ARHGAP22: variants seen among roughly 807,000 people sequenced by gnomAD.
The protein encoded by ARHGAP22 is Rho GTPase activating protein 22.
ARHGAP22 carries 48 observed loss-of-function variants against 59.1 expected under a neutral mutation model. That is an observed-to-expected ratio of 0.81 (90% confidence interval 0.64 to 1.03). The LOEUF (loss-of-function observed/expected upper bound fraction) is 1.03, where lower values mean the gene tolerates loss of function less well. ARHGAP22 is among the 50% of genes least tolerant of loss of function. The pLI, the probability that ARHGAP22 is intolerant of heterozygous loss-of-function variation, is 0.00. For missense variants in ARHGAP22, 1,015 were observed against 958.7 expected, an observed-to-expected ratio of 1.06 and a Z score of -0.78; for synonymous variants, 445 against 416.4, an observed-to-expected ratio of 1.07 and a Z score of -0.84.
intron 1 of ARHGAP22, among the ~76,000 whole-genome samples, chr10:48,591,231 G>T (rs985605493): frequency 6.6e-6 from 1 of 152,168 alleles, no homozygotes; most frequent in African/African-American, 2.4e-5. Context: ...ATGAAAACAC[G>T]TTAACACAAA....
intron 1 of ARHGAP22, among the ~76,000 whole-genome samples, chr10:48,618,966 A>G (rs1253101813): frequency 6.6e-6 from 1 of 152,118 alleles, no homozygotes; most frequent in Non-Finnish European, 1.5e-5. Flanking sequence ...AAGCCCCACC[A>G]AAAACTCTTA....
intron 1 of ARHGAP22, among the ~76,000 whole-genome samples, chr10:48,636,445 C>A (rs939657738): frequency 6.6e-6 from 1 of 152,160 alleles, no homozygotes; most frequent in Non-Finnish European, 1.5e-5. Context: ...TGAGTCTGCC[C>A]ACTGGGCTGC....
At position 48,555,502 on chromosome 10, in the gene ARHGAP22, G is replaced by A; in HGVS notation, c.283C>T (p.Pro95Ser). ...AAGAGGTGCTTCCCTGGGTCCTCGG[G>A]GCCAGGAGGAAGTTCAGTCACCTGT... ...GTQVTELPPG[P>S]EDPGKHLFEI... Residue 95 changes from proline (P) to serine (S), a missense_variant, in exon 3 of 10, where the codon CCC becomes TCC. By Grantham distance (74) the Pro-to-Ser change is moderately conservative. Coordinates refer to ENST00000249601, the MANE Select transcript of ARHGAP22 (RefSeq NM_021226.4). 6.2e-7 allele frequency: 1 copy of A among 1,614,192 alleles called. No homozygotes were observed.
intron 3 of ARHGAP22, chr10:48,524,119 GC>G: frequency 7.5e-7 from 1 of 1,325,318 alleles, no homozygotes; most frequent in South Asian, 2.1e-5. Context: ...GCCGCCCGCG[GC>G]CCCGCCGCTC....
Position 48,452,551 on chromosome 10 carries a change from G to A in ARHGAP22, c.988+753C>T, listed in dbSNP as rs574382229. The stretch of plus-strand genomic sequence containing the variant: ...CACTCCGCCACGTCCCTCAACATGG[G>A]ATAAGGGCAAGAACAGCCTCAGCTG... On this transcript the variant is annotated intron_variant, in intron 8 of 9. Coordinates refer to ENST00000249601, the MANE Select transcript of ARHGAP22 (RefSeq NM_021226.4). Among the ~76,000 whole-genome samples the A allele has an allele frequency of 4.7e-4, 71 of 152,366 alleles. No individual in the cohort carries two copies. In the East Asian group the frequency reaches 7.3e-3, roughly 16 times the overall value.
Position 48,602,434 on chromosome 10 carries a change from C to T in ARHGAP22, c.34+2329G>A, listed in dbSNP as rs186306702. On this transcript the variant is annotated intron_variant, in intron 1 of 9. Coordinates refer to ENST00000249601, the MANE Select transcript of ARHGAP22 (RefSeq NM_021226.4). ...AGAAATTCTAAAAGGAAAATATATA[C>T]GAGTTAAAAACAGGTACATCTAGAA... is the stretch of plus-strand genomic sequence containing the variant. Among the ~76,000 whole-genome samples the T allele has an allele frequency of 9.9e-5, 15 of 151,884 alleles. No individual in the cohort carries two copies. The East Asian group carries it at 1.2e-3, about 12-fold the overall frequency.
At chr10:48,586,193 T>C (rs2059416136) in intron 1 of ARHGAP22, among the ~76,000 whole-genome samples, 2 of 152,320 alleles carry the variant, frequency 1.3e-5, no homozygotes, top group South Asian at 4.1e-4. Flanking sequence ...CTCTCCTTAA[T>C]GTGAGTTATT....
At chr10:48,436,397 C>T in the ARHGAP22 span, 1 of 152,154 alleles carries the variant, frequency 6.6e-6, no homozygotes, top group Non-Finnish European at 1.5e-5. Flanking sequence ...TATTACTGAA[C>T]TTTTCCTAAG....
chr10:48,563,301 C>T (rs180842510), intron 2 of ARHGAP22, among the ~76,000 whole-genome samples: 33 of 149,806 alleles, frequency 2.2e-4, no homozygotes, highest in Admixed American at 7.4e-4. Flanking sequence ...TCATGCCATT[C>T]GCCTGCCTCA....
intron 2 of ARHGAP22, among the ~76,000 whole-genome samples, chr10:48,573,612 A>G (rs759278107): frequency 3.3e-5 from 5 of 152,268 alleles, no homozygotes; most frequent in Admixed American, 6.5e-5. Context: ...TTCATATTAG[A>G]TGCCTTCGCA....
chr10:48,612,652 C>A (rs2060939421), intron 1 of ARHGAP22, among the ~76,000 whole-genome samples: 2 of 152,226 alleles, frequency 1.3e-5, no homozygotes, highest in South Asian at 4.1e-4. Flanking sequence ...TAACCTGGTC[C>A]TCCAGCTTAC....
At chr10:48,524,074 C>T in intron 3 of ARHGAP22, 1 of 1,475,410 alleles carries the variant, frequency 6.8e-7, no homozygotes, top group Non-Finnish European at 9.0e-7. Flanking sequence ...CGCAGGTGTC[C>T]CCTCCAGTCC....
chr10:48,555,764 G>A (rs1007457710), intron 2 of ARHGAP22, among the ~76,000 whole-genome samples: 53 of 152,324 alleles, frequency 3.5e-4, no homozygotes, highest in African/African-American at 1.2e-3. Context: ...ACTGTAGTCT[G>A]CATACATGAT....
At chr10:48,537,640 G>T (rs1014617447) in intron 3 of ARHGAP22, among the ~76,000 whole-genome samples, 1 of 152,248 alleles carries the variant, frequency 6.6e-6, no homozygotes, top group African/African-American at 2.4e-5. Context: ...AACTCAGGAA[G>T]ATGAGGTGAC....
At chr10:48,543,080 G>T (rs1164496821) in intron 3 of ARHGAP22, among the ~76,000 whole-genome samples, 2 of 152,046 alleles carry the variant, frequency 1.3e-5, no homozygotes, top group East Asian at 3.9e-4. Context: ...TGTCTGTGAG[G>T]GTCTGTTCTC....
intron 7 of ARHGAP22, 104 bp from the exon 8 acceptor site, chr10:48,453,529 C>T: frequency 6.5e-7 from 1 of 1,543,920 alleles, no homozygotes; most frequent in Non-Finnish European, 8.8e-7. Context: ...GCCCTGCTGC[C>T]TGTGGGCTTT....
At chr10:48,492,410 T>C (rs1419954561) in intron 3 of ARHGAP22, among the ~76,000 whole-genome samples, 1 of 152,212 alleles carries the variant, frequency 6.6e-6, no homozygotes, top group Admixed American at 6.5e-5. Context: ...GAAGGCCAAG[T>C]GTCTAGATGC....
At chr10:48,579,365 A>G (rs1245524804) in intron 2 of ARHGAP22, among the ~76,000 whole-genome samples, 3 of 152,212 alleles carry the variant, frequency 2.0e-5, no homozygotes, top group Non-Finnish European at 4.4e-5. Context: ...AACACAAGCT[A>G]AAATCACTAA....
At chr10:48,568,153 A>G (rs1038999650) in intron 2 of ARHGAP22, among the ~76,000 whole-genome samples, 4 of 152,160 alleles carry the variant, frequency 2.6e-5, no homozygotes, top group African/African-American at 9.7e-5. Flanking sequence ...TCTGATGGTT[A>G]GAAGCACTGA....
Sources: allele counts gnomAD v4.1 joint callset (sites outside exome capture counted in the v4.1 genomes callset), GRCh38; gene constraint gnomAD v4.1.1; transcripts MANE v1.5; gene names NCBI Gene and HGNC (gene_info 2026-07-23, HGNC 2026-07-21).